LRP1B: variants seen among roughly 807,000 people sequenced by gnomAD.
LRP1B encodes LDL receptor related protein 1B.
LRP1B carries 217 observed loss-of-function variants against 556.6 expected under a neutral mutation model. That is an observed-to-expected ratio of 0.39 (90% confidence interval 0.35 to 0.44). The LOEUF (loss-of-function observed/expected upper bound fraction) is 0.44, where lower values mean the gene tolerates loss of function less well. Among genes scored for constraint, LRP1B ranks in the 20% least tolerant of loss-of-function variants. The pLI, the probability that LRP1B is intolerant of heterozygous loss-of-function variation, is 1.00. For missense variants in LRP1B, 5,053 were observed against 5,620.8 expected (o/e 0.90, Z 3.23); for synonymous variants, 2,047 against 1,865.8 (o/e 1.10, Z -2.50).
chr2:140,570,030 A>C (rs1681265580), intron 43 of LRP1B, among the ~76,000 whole-genome samples: 1 of 151,798 alleles, frequency 6.6e-6, no homozygotes, highest in Non-Finnish European at 1.5e-5. Flanking sequence ...GGATACAGCA[A>C]AGGCATTGTT....
chr2:141,589,305 A>C (rs1047731613), intron 2 of LRP1B, among the ~76,000 whole-genome samples: 1 of 152,208 alleles, frequency 6.6e-6, no homozygotes, highest in East Asian at 1.9e-4. Context: ...TTAAAATAAC[A>C]CTTCCATAGC....
intron 1 of LRP1B, among the ~76,000 whole-genome samples, chr2:141,949,393 T>C (rs890752276): frequency 6.6e-6 from 1 of 152,102 alleles, no homozygotes; most frequent in Admixed American, 6.6e-5. Flanking sequence ...CAAATAAAAA[T>C]TATCCATATA....
chr2:141,247,159 T>C, intron 5 of LRP1B, 67 bp downstream of exon 5: 1 of 1,581,160 alleles, frequency 6.3e-7, no homozygotes, highest in Non-Finnish European at 8.7e-7. Flanking sequence ...ACATCTCTAA[T>C]GAAAAAGAAT....
intron 2 of LRP1B, among the ~76,000 whole-genome samples, chr2:141,739,136 A>C (rs1693601390): frequency 6.6e-6 from 1 of 152,144 alleles, no homozygotes; most frequent in Non-Finnish European, 1.5e-5. Flanking sequence ...ACCTTAGGGG[A>C]AGATTAAATT....
intron 1 of LRP1B, among the ~76,000 whole-genome samples, chr2:142,050,075 G>T (rs1238537539): frequency 6.6e-6 from 1 of 152,086 alleles, no homozygotes; most frequent in African/African-American, 2.4e-5. Context: ...TGCTTGAATA[G>T]CATGCTTATG....
At chr2:140,323,861 A>G (rs752230016) in intron 81 of LRP1B, 32 bp downstream of exon 81, 1 of 1,107,784 alleles carries the variant, frequency 9.0e-7, no homozygotes, top group Non-Finnish European at 1.3e-6. Flanking sequence ...TAATTTACCA[A>G]TATAGACAAC....
At chr2:141,727,688 C>T (rs1445867177) in intron 2 of LRP1B, among the ~76,000 whole-genome samples, 1 of 152,022 alleles carries the variant, frequency 6.6e-6, no homozygotes, top group Non-Finnish European at 1.5e-5. Context: ...GCCTCACAGC[C>T]AATATTCATA....
At chr2:141,559,202 A>G (rs1324608905) in intron 2 of LRP1B, among the ~76,000 whole-genome samples, 1 of 151,544 alleles carries the variant, frequency 6.6e-6, no homozygotes, top group Non-Finnish European at 1.5e-5. Flanking sequence ...TAAATTTAAA[A>G]TTTTTTACTT....
chr2:141,298,741 G>A (rs952678638), intron 3 of LRP1B, among the ~76,000 whole-genome samples: 3 of 152,046 alleles, frequency 2.0e-5, no homozygotes, highest in African/African-American at 7.2e-5. Flanking sequence ...GATCACCTGA[G>A]GTCAGGAGTT....
At chr2:140,895,325 G>T (rs538218451) in intron 23 of LRP1B, among the ~76,000 whole-genome samples, 2 of 152,266 alleles carry the variant, frequency 1.3e-5, no homozygotes, top group South Asian at 4.1e-4. Flanking sequence ...GTGGGCTGCC[G>T]AACAAACAGC....
In LRP1B at chr2:140,859,861, G is replaced by A. The variant is rs139817930; in HGVS notation, c.4579+7729C>T. On this transcript the variant is annotated intron_variant, in intron 27 of 90. Coordinates refer to ENST00000389484, the MANE Select transcript of LRP1B (RefSeq NM_018557.3). ...TACAAAAAAATTAGCCGAGTGTGGCGGCGGACACCTGTAGTCCCAGCTACT... is the reference window on the plus strand; with the variant it reads ...TACAAAAAAATTAGCCGAGTGTGGCAGCGGACACCTGTAGTCCCAGCTACT... Among the ~76,000 whole-genome samples the A allele has an allele frequency of 6.4e-3, 968 of 152,068 alleles. 11 individuals carry two copies. The highest frequency in any genetic ancestry group is 0.022 in the African/African-American group (909 of 41,478).
chr2:141,012,299 A>G (rs1316305883), intron 14 of LRP1B, among the ~76,000 whole-genome samples: 1 of 152,046 alleles, frequency 6.6e-6, no homozygotes, highest in Admixed American at 6.6e-5. Context: ...GGGAAATGGA[A>G]AATGTGATCG....
At chr2:140,527,261 A>G (rs557289350) in intron 47 of LRP1B, among the ~76,000 whole-genome samples, 2 of 152,030 alleles carry the variant, frequency 1.3e-5, no homozygotes, top group South Asian at 4.1e-4. Flanking sequence ...TATGTATGTT[A>G]AATTAACTTA....
At chr2:141,000,152 C>A (rs1406710990) in intron 15 of LRP1B, among the ~76,000 whole-genome samples, 1 of 151,832 alleles carries the variant, frequency 6.6e-6, no homozygotes, top group Non-Finnish European at 1.5e-5. Flanking sequence ...CGCCTGGATT[C>A]AAGCAATCTT....
intron 84 of LRP1B, among the ~76,000 whole-genome samples, chr2:140,284,726 G>GT (rs5834731): frequency 4.0e-5 from 6 of 150,600 alleles, no homozygotes; most frequent in African/African-American, 1.5e-4. Context: ...TTTGCTTCTA[G>GT]TTTTTTTTTT....
intron 2 of LRP1B, among the ~76,000 whole-genome samples, chr2:141,774,062 AAG>A (rs368550426): frequency 1.3e-5 from 2 of 152,200 alleles, no homozygotes; most frequent in African/African-American, 4.8e-5. Flanking sequence ...TCTTTTTTCC[AAG>A]AACTTACAAC....
At chr2:140,296,794 T>C (rs1003390438) in intron 84 of LRP1B, among the ~76,000 whole-genome samples, 3 of 152,108 alleles carry the variant, frequency 2.0e-5, no homozygotes, top group Non-Finnish European at 4.4e-5. Context: ...ATCAATTAAC[T>C]TGACTTTCAT....
chr2:140,545,365 C>G (rs1207485593), intron 43 of LRP1B, among the ~76,000 whole-genome samples: 2 of 151,972 alleles, frequency 1.3e-5, no homozygotes, highest in Non-Finnish European at 2.9e-5. Flanking sequence ...TTGCCTGTTC[C>G]TATGTCTAGA....
At chr2:140,636,547 C>T (rs977721382) in intron 41 of LRP1B, among the ~76,000 whole-genome samples, 1 of 152,098 alleles carries the variant, frequency 6.6e-6, no homozygotes, top group Non-Finnish European at 1.5e-5. Flanking sequence ...AAAGTTACAA[C>T]TTAAATCTCA....
Sources: allele counts gnomAD v4.1 joint callset (sites outside exome capture counted in the v4.1 genomes callset), GRCh38; gene constraint gnomAD v4.1.1; transcripts MANE v1.5; gene names NCBI Gene and HGNC (gene_info 2026-07-23, HGNC 2026-07-21).